ETV1: variants seen among roughly 807,000 people sequenced by gnomAD.
ETV1 encodes ETS translocation variant 1.
In ETV1, 27 loss-of-function variants were observed where a neutral mutation model predicts 62.3. The observed-to-expected ratio is 0.43, with a 90% CI of 0.32 to 0.60. The LOEUF is 0.60. Ranked by LOEUF, ETV1 falls within the 20% of genes least tolerant of loss-of-function variation. ETV1 has a pLI of 0.06. For synonymous variants in ETV1, 222 were observed against 199.6 expected, an observed-to-expected ratio of 1.11 and a Z score of -0.94; for missense variants, 605 against 605.8, an observed-to-expected ratio of 1.00 and a Z score of 0.01.
chr7:13,989,904 T>C (rs751640919), upstream of ETV1: 66 of 298,078 alleles, frequency 2.2e-4, no homozygotes, highest in Non-Finnish European at 3.8e-4. Context: ...AGACTCGATT[T>C]CCTCTGTAAC....
intron 9 of ETV1, among the ~76,000 whole-genome samples, chr7:13,919,603 A>ACACAC (rs1562615261): frequency 4.3e-5 from 6 of 139,410 alleles, no homozygotes; most frequent in African/African-American, 1.7e-4. Context: ...CACACACACA[A>ACACAC]AATAAGAACA....
chr7:13,988,628 AAAG>A (rs1231089595), intron 3 of ETV1: 16 of 1,534,546 alleles, frequency 1.0e-5, no homozygotes, highest in Non-Finnish European at 1.4e-5. Flanking sequence ...GAGAAAAAAA[AAAG>A]AAACAAAAAC....
At chr7:13,955,677 G>C (rs1789347688) in intron 6 of ETV1, among the ~76,000 whole-genome samples, 2 of 152,158 alleles carry the variant, frequency 1.3e-5, no homozygotes, top group Admixed American at 1.3e-4. Flanking sequence ...TAAATACTTT[G>C]CAAGTATTGT....
intron 9 of ETV1, among the ~76,000 whole-genome samples, chr7:13,930,409 C>T (rs1371749642): frequency 3.3e-5 from 5 of 151,914 alleles, no homozygotes; most frequent in Admixed American, 1.3e-4. Flanking sequence ...GCAACCTCCA[C>T]CTCCTGGGTT....
intron 11 of ETV1, 74 bp downstream of exon 11, chr7:13,909,558 T>C (rs1370720903): frequency 9.2e-7 from 1 of 1,088,694 alleles, no homozygotes; most frequent in Non-Finnish European, 1.4e-6. Flanking sequence ...GGATGTCCAC[T>C]GTTTTCAGAA....
intron 5 of ETV1, among the ~76,000 whole-genome samples, chr7:13,984,875 A>AT (rs1314230938): frequency 6.6e-6 from 1 of 151,604 alleles, no homozygotes; most frequent in African/African-American, 2.4e-5. Context: ...ATTTGGATAA[A>AT]TTATTGCAAT....
At chr7:13,902,915 A>C (rs2128409414) in intron 12 of ETV1, among the ~76,000 whole-genome samples, 1 of 152,342 alleles carries the variant, frequency 6.6e-6, no homozygotes, top group East Asian at 1.9e-4. Flanking sequence ...AATAAAATGT[A>C]GTCTTAGAGT....
At chr7:13,927,156 A>G (rs1428083649) in intron 9 of ETV1, among the ~76,000 whole-genome samples, 2 of 152,180 alleles carry the variant, frequency 1.3e-5, no homozygotes, top group Non-Finnish European at 2.9e-5. Context: ...GACTTAGAAA[A>G]TGCTTTTTAC....
intron 6 of ETV1, among the ~76,000 whole-genome samples, chr7:13,943,953 A>G (rs1001170607): frequency 6.6e-6 from 1 of 152,220 alleles, no homozygotes; most frequent in Non-Finnish European, 1.5e-5. Context: ...CAGCTGAGAC[A>G]TCTGAAAATG....
chr7:13,900,722 TG>T lies in ETV1; in HGVS notation c.1212+15del, dbSNP rs766240927. 1 of 1,508,964 alleles carries T rather than the reference TG, an allele frequency of 6.6e-7. No individual in the cohort carries two copies. Among genetic ancestry groups the T allele is most frequent in the Non-Finnish European group, 9.1e-7 (1 of 1,096,090 alleles). 93.5% of individuals were successfully genotyped at this position (1,508,964 alleles called of 1,614,324 possible). A position where few individuals can be genotyped will look rare whatever the true frequency, so the allele number is the denominator to read the frequency against. On this transcript the variant is annotated intron_variant, in intron 13 of 13. Transcript: ENST00000430479. ...GCAACATTTCAATGAATTTTAATGC[TG>T]TATTAGCTGCTCACCTTTTGCATAA... is the stretch of plus-strand genomic sequence containing the variant.
chr7:13,913,075 T>A (rs961092576), intron 9 of ETV1, among the ~76,000 whole-genome samples: 10 of 152,234 alleles, frequency 6.6e-5, no homozygotes, highest in African/African-American at 2.2e-4. Context: ...GCATTACATT[T>A]TAACTTTTGT....
At chr7:13,954,355 A>G (rs1047480546) in intron 6 of ETV1, among the ~76,000 whole-genome samples, 2 of 152,180 alleles carry the variant, frequency 1.3e-5, no homozygotes, top group South Asian at 2.1e-4. Flanking sequence ...CAATTCTTCA[A>G]ATAAGCCCAG....
intron 6 of ETV1, among the ~76,000 whole-genome samples, chr7:13,968,657 C>A (rs1348867355): frequency 6.6e-6 from 1 of 151,782 alleles, no homozygotes; most frequent in Admixed American, 6.6e-5. Context: ...ATTATTCCCC[C>A]ATGAATTACG....
rs150901838 is a variant in ETV1 at position 13,944,787 on chromosome 7, T to C, written c.236-5541A>G. Among the ~76,000 whole-genome samples, 897 of 152,248 alleles carry C rather than the reference T, an allele frequency of 5.9e-3. 10 individuals are homozygous for C. The highest frequency in any genetic ancestry group is 0.024 in the Middle Eastern group (7 of 294). ...AATTTCAACACCAGAATCTCTTATTTGGAAGATTAAATTAACATAAGATCA... is the reference window on the plus strand; with the variant it reads ...AATTTCAACACCAGAATCTCTTATTCGGAAGATTAAATTAACATAAGATCA... On this transcript the variant is annotated intron_variant, in intron 6 of 13. Transcript: ENST00000430479.
At chr7:13,988,056 A>G (rs1229376544) in intron 4 of ETV1, 30 bp downstream of exon 4, 2 of 1,340,784 alleles carry the variant, frequency 1.5e-6, no homozygotes, top group Non-Finnish European at 2.1e-6. Flanking sequence ...AGGTAAAAAA[A>G]TGGGGATTCA....
At chr7:13,953,247 T>G (rs1789033734) in intron 6 of ETV1, among the ~76,000 whole-genome samples, 1 of 152,144 alleles carries the variant, frequency 6.6e-6, no homozygotes, top group Non-Finnish European at 1.5e-5. Context: ...ATGAAGTGCC[T>G]GAATCAAGAT....
At chr7:13,970,161 C>T (rs1184252064) in intron 6 of ETV1, among the ~76,000 whole-genome samples, 2 of 151,684 alleles carry the variant, frequency 1.3e-5, no homozygotes, top group African/African-American at 4.8e-5. Context: ...GCCGGGAGGC[C>T]GAGGCAGGAG....
intron 5 of ETV1, among the ~76,000 whole-genome samples, chr7:13,979,620 G>C (rs930672984): frequency 6.6e-6 from 1 of 152,010 alleles, no homozygotes; most frequent in Non-Finnish European, 1.5e-5. Flanking sequence ...TTATATCATT[G>C]TTTTGGTTTT....
chr7:13,962,301 T>G (rs948773016), intron 6 of ETV1, among the ~76,000 whole-genome samples: 1 of 151,828 alleles, frequency 6.6e-6, no homozygotes, highest in Non-Finnish European at 1.5e-5. Context: ...ACAATGATCT[T>G]AAATTGCTTG....
Sources: allele counts gnomAD v4.1 joint callset (sites outside exome capture counted in the v4.1 genomes callset), GRCh38; gene constraint gnomAD v4.1.1; transcripts MANE v1.5; gene names NCBI Gene and HGNC (gene_info 2026-07-23, HGNC 2026-07-21).